NRXN1: variants seen among roughly 807,000 people sequenced by gnomAD.
NRXN1 encodes the protein neurexin-1.
In NRXN1, 39 loss-of-function variants were observed where a neutral mutation model predicts 150.9. The ratio of observed to expected loss-of-function variants is 0.26; its 90% confidence interval spans 0.20 to 0.34. NRXN1 has a LOEUF of 0.34. NRXN1 is among the 10% of genes least tolerant of loss of function. NRXN1 has a pLI of 1.00. For missense variants in NRXN1, 1,815 were observed against 1,949.9 expected (o/e 0.93, Z 1.30); for synonymous variants, 924 against 757.0 (o/e 1.22, Z -3.62).
At chr2:50,256,915 C>A (rs2067754961) in intron 17 of NRXN1, among the ~76,000 whole-genome samples, 1 of 152,010 alleles carries the variant, frequency 6.6e-6, no homozygotes, top group Non-Finnish European at 1.5e-5. Context: ...ACTGTACAAT[C>A]CTATCCTAGG....
At chr2:50,903,146 A>G (rs1683178501) in intron 5 of NRXN1, among the ~76,000 whole-genome samples, 1 of 152,152 alleles carries the variant, frequency 6.6e-6, no homozygotes, top group Non-Finnish European at 1.5e-5. Context: ...AGCTATGTTT[A>G]TTTAGACAGG....
chr2:50,577,333 G>A (rs1212597475), intron 8 of NRXN1, among the ~76,000 whole-genome samples: 1 of 151,084 alleles, frequency 6.6e-6, no homozygotes, highest in East Asian at 1.9e-4. Flanking sequence ...AACTGTAATA[G>A]ATAAATGTTA....
At chr2:50,712,754 TTGTGTCCC>T (rs1045576395) in intron 5 of NRXN1, among the ~76,000 whole-genome samples, 2 of 152,096 alleles carry the variant, frequency 1.3e-5, no homozygotes, top group Non-Finnish European at 2.9e-5. Flanking sequence ...CTTGGCAGCT[TTGTGTCCC>T]TGTGTAACCT....
intron 21 of NRXN1, among the ~76,000 whole-genome samples, chr2:50,043,798 T>A (rs547643221): frequency 6.6e-6 from 1 of 152,326 alleles, no homozygotes; most frequent in African/African-American, 2.4e-5. Context: ...TAGAGACTCC[T>A]CACTTGGTTC....
At chr2:51,030,318 A>C in intron 1 of NRXN1, among the ~76,000 whole-genome samples, 1 of 151,870 alleles carries the variant, frequency 6.6e-6, no homozygotes, top group East Asian at 1.9e-4. Flanking sequence ...TGGATGTAGA[A>C]GCTCACTACC....
intron 5 of NRXN1, among the ~76,000 whole-genome samples, chr2:50,680,072 C>T (rs1690154720): frequency 1.3e-5 from 2 of 151,994 alleles, no homozygotes; most frequent in South Asian, 2.1e-4. Context: ...TTGTTTGAGC[C>T]TAGGAGGTTG....
intron 5 of NRXN1, among the ~76,000 whole-genome samples, chr2:50,649,295 CA>C (rs1277360950): frequency 6.9e-6 from 1 of 144,040 alleles, no homozygotes; most frequent in African/African-American, 2.5e-5. Context: ...CACACACACA[CA>C]AAGAAATCAC....
chr2:50,405,283 C>A (rs2082680680), intron 17 of NRXN1, among the ~76,000 whole-genome samples: 1 of 151,972 alleles, frequency 6.6e-6, no homozygotes, highest in Non-Finnish European at 1.5e-5. Flanking sequence ...ACACATGAGC[C>A]TACCAAACAC....
At chr2:50,296,072 C>G (rs776436485) in intron 17 of NRXN1, among the ~76,000 whole-genome samples, 1 of 152,126 alleles carries the variant, frequency 6.6e-6, no homozygotes, top group Non-Finnish European at 1.5e-5. Flanking sequence ...TCTGTGGGCA[C>G]GGCATTTCTA....
At chr2:50,868,432 G>A (rs1349500477) in intron 5 of NRXN1, among the ~76,000 whole-genome samples, 2 of 151,090 alleles carry the variant, frequency 1.3e-5, no homozygotes, top group African/African-American at 2.4e-5. Flanking sequence ...GGTGAACAAT[G>A]AGAACTTACT....
Position 50,473,502 on chromosome 2 carries a change from G to A in NRXN1, c.3071-1031C>T, listed in dbSNP as rs74507611. Among the ~76,000 whole-genome samples the A allele has an allele frequency of 3.6e-3, 555 of 152,096 alleles. 5 individuals carry two copies. Among genetic ancestry groups the A allele is most frequent in the East Asian group, 0.023 (120 of 5,168 alleles). On this transcript the variant is annotated intron_variant, in intron 15 of 22. Transcript: ENST00000401669. Reference sequence around the variant, plus strand: ...TCAATGTGGAACATAAGGAAGGTGAGCTCAAAATTCAGTAATATGCTGCTA... The same window carrying A: ...TCAATGTGGAACATAAGGAAGGTGAACTCAAAATTCAGTAATATGCTGCTA...
chr2:50,155,855 AC>A (rs1354940014), intron 18 of NRXN1, among the ~76,000 whole-genome samples: 1 of 151,638 alleles, frequency 6.6e-6, no homozygotes, highest in Non-Finnish European at 1.5e-5. Context: ...AAACTATGAG[AC>A]AGTACACACA....
At chr2:50,914,676 C>T (rs926929845) in intron 5 of NRXN1, among the ~76,000 whole-genome samples, 6 of 151,566 alleles carry the variant, frequency 4.0e-5, no homozygotes, top group African/African-American at 1.2e-4. Context: ...ACCCACAATA[C>T]GATACAAAAA....
chr2:50,117,774 GAAAA>G (rs59049470), intron 18 of NRXN1, among the ~76,000 whole-genome samples: 1 of 133,248 alleles, frequency 7.5e-6, no homozygotes, highest in Admixed American at 7.3e-5. Context: ...CAGGCTGTCA[GAAAA>G]AAAAAAAAAC....
intron 2 of NRXN1, among the ~76,000 whole-genome samples, chr2:50,972,862 C>G (rs914096669): frequency 2.6e-5 from 4 of 152,136 alleles, no homozygotes; most frequent in African/African-American, 9.7e-5. Flanking sequence ...GTTGGGAACC[C>G]CTGACTTACA....
chr2:50,083,158 T>C (rs1386140054), intron 19 of NRXN1, among the ~76,000 whole-genome samples: 5 of 152,182 alleles, frequency 3.3e-5, no homozygotes, highest in African/African-American at 9.7e-5. Context: ...TTTCCTGGGA[T>C]GGAACAAAGA....
rs543036824 is a variant in NRXN1, at chr2:50,135,943, T to G, written c.3547-44449A>C. ...AATCTTGGTCAATTCCATTGTCTCA[T>G]TTTCATGTAGATGTCAAACATACCA... is the stretch of plus-strand genomic sequence containing the variant. On this transcript the variant is annotated intron_variant, in intron 18 of 22. Coordinates refer to ENST00000401669, the MANE Select transcript of NRXN1 (RefSeq NM_001330078.2). Among the ~76,000 whole-genome samples, 6 of 152,314 alleles carry G rather than the reference T, an allele frequency of 3.9e-5. No individual in the cohort carries two copies. The South Asian group carries it at 1.2e-3, about 32-fold the overall frequency.
At chr2:49,971,001 A>G (rs977939220) in intron 21 of NRXN1, among the ~76,000 whole-genome samples, 1 of 152,202 alleles carries the variant, frequency 6.6e-6, no homozygotes, top group African/African-American at 2.4e-5. Context: ...GGTAGTGCTC[A>G]TAATACTAGA....
chr2:50,021,128 C>A (rs557755025), intron 21 of NRXN1, among the ~76,000 whole-genome samples: 1 of 152,130 alleles, frequency 6.6e-6, no homozygotes, highest in Non-Finnish European at 1.5e-5. Context: ...GTGTTGAATT[C>A]CAGTAAGCAC....
Sources: gnomAD v4.1 joint callset for allele counts (sites outside exome capture counted in the v4.1 genomes callset) on GRCh38, gnomAD v4.1.1 for gene constraint, MANE v1.5 for transcripts, NCBI Gene and HGNC (gene_info 2026-07-23, HGNC 2026-07-21) for gene names.